EP400: variants seen among roughly 807,000 people sequenced by gnomAD.
EP400 encodes E1A-binding protein p400.
Under a neutral mutation model 354.1 loss-of-function variants are expected in EP400, and 105 were observed. The ratio of observed to expected loss-of-function variants is 0.30; its 90% CI spans 0.25 to 0.35. The LOEUF (loss-of-function observed/expected upper bound fraction) is 0.35, where lower values mean the gene tolerates loss of function less well. EP400 is among the 10% of genes least tolerant of loss of function. The probability of loss-of-function intolerance (pLI) is 1.00; values close to 1 mark genes in which losing one functional copy is unlikely to be tolerated. For synonymous variants in EP400, 1,646 were observed against 1,716.9 expected (o/e 0.96, Z 1.02); for missense variants, 3,280 against 4,121.0 (o/e 0.80, Z 5.59).
chr12:131,993,820 A>G (rs1157939650), intron 11 of EP400, among the ~76,000 whole-genome samples: 1 of 152,250 alleles, frequency 6.6e-6, no homozygotes, highest in East Asian at 1.9e-4. Context: ...ACAGTCTTAC[A>G]GGGTCCCATT....
Position 132,027,609 on chromosome 12 carries a change from T to C in EP400, c.5109+78T>C. 1 of 1,182,952 alleles carries C rather than the reference T, an allele frequency of 8.5e-7. No individual in the cohort carries two copies. Among genetic ancestry groups the C allele is most frequent in the South Asian group, 1.5e-5 (1 of 65,076 alleles). 73.3% of individuals were successfully genotyped at this position (1,182,952 alleles called of 1,614,324 possible). On this transcript the variant is annotated intron_variant, in intron 26 of 52. Coordinates refer to ENST00000389561, the MANE Select transcript of EP400 (RefSeq NM_015409.5). This position sits in a 1 kb window ranked among gnomAD's most constrained non-coding sequence, Gnocchi z 4.9. ...AGCTGCTCGTTGTGTTTGGTTGTGA[T>C]ATTTAAAGGCTCCTGTGAATTCTCA...
intron 1 of EP400, 127 bp from the exon 2 acceptor site, chr12:131,960,458 G>C: frequency 1.1e-6 from 1 of 951,726 alleles, no homozygotes; most frequent in South Asian, 1.7e-5. Flanking sequence ...TTGAATGTGA[G>C]TCAGCTCTGT....
chr12:131,967,388 T>A (rs769261490), intron 2 of EP400, among the ~76,000 whole-genome samples: 75 of 143,894 alleles, frequency 5.2e-4, no homozygotes, highest in Non-Finnish European at 7.1e-4. Context: ...CTCAAAAAAA[T>A]AAATAAATAA....
At chr12:131,967,738 AGTGCCT>A (rs575303212) in intron 2 of EP400, among the ~76,000 whole-genome samples, 21 of 152,040 alleles carry the variant, frequency 1.4e-4, no homozygotes, top group Admixed American at 1.2e-3. Flanking sequence ...ACTTTCTCAA[AGTGCCT>A]GTACCATTTT....
chr12:132,026,142 C>T (rs943932273), intron 25 of EP400, among the ~76,000 whole-genome samples: 2 of 152,164 alleles, frequency 1.3e-5, no homozygotes, highest in East Asian at 3.8e-4. Context: ...AGTGTGTGGC[C>T]GCCCACGCAG....
At chr12:132,072,555 G>T (rs1390422681) in intron 51 of EP400, among the ~76,000 whole-genome samples, 4 of 152,154 alleles carry the variant, frequency 2.6e-5, no homozygotes, top group Non-Finnish European at 5.9e-5. Flanking sequence ...TTTGAAATTT[G>T]TTGAAACTTG....
At chr12:132,001,536 T>C (rs114611293) in intron 12 of EP400, among the ~76,000 whole-genome samples, 4,113 of 152,266 alleles carry the variant, frequency 0.027, 144 homozygotes, top group South Asian at 0.094. Context: ...TAACTGTGCG[T>C]GGGCCTGACT....
At chr12:131,995,080 C>T (rs1223785854) in intron 12 of EP400, 124 bp downstream of exon 12, 1 of 879,614 alleles carries the variant, frequency 1.1e-6, no homozygotes, top group Admixed American at 2.2e-5. Context: ...AAAACAGTCC[C>T]TGTGTGCCTC....
At chr12:131,998,168 A>G (rs964185997) in intron 12 of EP400, among the ~76,000 whole-genome samples, 3 of 152,128 alleles carry the variant, frequency 2.0e-5, no homozygotes, top group Admixed American at 2.0e-4. Flanking sequence ...CTGATACCAC[A>G]CTGTCTTTCT....
At chr12:131,952,980 C>T (rs1225968486) in intron 1 of EP400, among the ~76,000 whole-genome samples, 2 of 152,172 alleles carry the variant, frequency 1.3e-5, no homozygotes, top group African/African-American at 4.8e-5. Flanking sequence ...CTCCCCACAG[C>T]TACCAAATTT....
intron 11 of EP400, among the ~76,000 whole-genome samples, chr12:131,993,838 C>T (rs928475020): frequency 1.2e-4 from 19 of 152,164 alleles, no homozygotes; most frequent in African/African-American, 3.6e-4. Context: ...ATTGCATATG[C>T]GGTCCATTGT....
rs142236839 is a variant in EP400 at position 132,031,790 on chromosome 12, T to C, written c.5755-163T>C. Among the ~76,000 whole-genome samples, 249 of 152,142 alleles carry C rather than the reference T, an allele frequency of 1.6e-3. 2 individuals carry two copies. The highest frequency in any genetic ancestry group is 2.5e-3 in the East Asian group (13 of 5,178). ...CAGGATGATCTCGATCTGCTGACCT[T>C]GTGATCCACCCACCTCGGCCTCCCA... On this transcript the variant is annotated intron_variant, in intron 29 of 52. Transcript: ENST00000389561.
intron 2 of EP400, among the ~76,000 whole-genome samples, chr12:131,978,698 A>G (rs1361799707): frequency 6.6e-6 from 1 of 151,986 alleles, no homozygotes; most frequent in Non-Finnish European, 1.5e-5. Flanking sequence ...TTTTTTGTAG[A>G]GACAGGATCT....
intron 45 of EP400, among the ~76,000 whole-genome samples, chr12:132,057,633 T>C (rs1454419818): frequency 1.3e-5 from 2 of 152,192 alleles, no homozygotes; most frequent in African/African-American, 2.4e-5. Flanking sequence ...TCTTAAGCAG[T>C]AGAATATATA....
In EP400 at chr12:131,960,630, G is replaced by A. The variant is rs1382339612; in HGVS notation, c.11G>A (p.Gly4Asp). 1.3e-6 allele frequency: 2 copies of A among 1,589,112 alleles called. No homozygotes were observed. The highest frequency in any genetic ancestry group is 1.7e-6 in the Non-Finnish European group (2 of 1,168,594). The stretch of plus-strand genomic sequence containing the variant: ...AGAAGGGAGGTGATCATGCACCATG[G>A]CACTGGCCCCCAGAACGTCCAGCAT... Reference protein sequence around the residue: MHHGTGPQNVQHQL... With the variant: MHHDTGPQNVQHQL... The change falls in exon 2 of 53, where the codon GGC becomes GAC. Residue 4 changes from glycine (G) to aspartate (D), a missense_variant. Physicochemically the swap from Gly to Asp is moderately conservative, Grantham distance 94. Coordinates refer to ENST00000389561, the MANE Select transcript of EP400 (RefSeq NM_015409.5).
Position 131,979,790 on chromosome 12 carries a change from G to A in EP400, c.1432G>A (p.Ala478Thr), listed in dbSNP as rs1485856255. 2 of 1,605,970 alleles carry A rather than the reference G, an allele frequency of 1.2e-6. No individual in the cohort carries two copies. Among genetic ancestry groups the A allele is most frequent in the African/African-American group, 2.7e-5 (2 of 74,520 alleles). Reference protein sequence around the residue: ...RQQAMPSTGMAEQSKRPRLEV... With the variant: ...RQQAMPSTGMTEQSKRPRLEV... ...GCAGGCGATGCCCTCCACAGGTATG[G>A]CAGGTACGTCGGCACGGCTAGCGTG... Residue 478 changes from alanine to threonine, a missense_variant, in exon 3 of 53, where the codon GCA becomes ACA. Physicochemically the swap from Ala to Thr is moderately conservative, Grantham distance 58. Transcript: ENST00000389561.
At position 132,067,094 on chromosome 12, in the gene EP400, G is replaced by C. The variant is rs551869938; in HGVS notation, c.8749+125G>C. ...CCCACCCACTTGAGCGTGCCATCAC[G>C]TGTTCTAGCACAAACGTGCCTTGGC... is the stretch of plus-strand genomic sequence containing the variant. On this transcript the variant is annotated intron_variant, in intron 49 of 52. Coordinates refer to ENST00000389561, the MANE Select transcript of EP400 (RefSeq NM_015409.5). This position sits in a 1 kb window ranked among gnomAD's most constrained non-coding sequence, Gnocchi z 5.3. 1.5e-6 allele frequency: 2 copies of C among 1,292,568 alleles called. No homozygotes were observed. The highest frequency in any genetic ancestry group is 6.1e-5 in the Admixed American group (2 of 33,004). 80.1% of individuals were successfully genotyped at this position (1,292,568 alleles called of 1,614,324 possible). A position where few individuals can be genotyped will look rare whatever the true frequency, so the allele number is the denominator to read the frequency against.
intron 1 of EP400, among the ~76,000 whole-genome samples, chr12:131,953,257 AAT>A (rs1377574141): frequency 1.3e-5 from 2 of 152,206 alleles, no homozygotes; most frequent in Admixed American, 6.5e-5. Flanking sequence ...GCCGTGGAAA[AAT>A]AAAGATCAAG....
At chr12:132,039,497 T>C (rs1162770634) in intron 32 of EP400, among the ~76,000 whole-genome samples, 6 of 152,060 alleles carry the variant, frequency 3.9e-5, no homozygotes, top group Non-Finnish European at 2.9e-5. Context: ...CCCCAGAGCG[T>C]TTCTATTCCT....
Sources: allele counts gnomAD v4.1 joint callset (sites outside exome capture counted in the v4.1 genomes callset), GRCh38; gene constraint gnomAD v4.1.1; non-coding constraint Gnocchi (gnomAD v3.1); transcripts MANE v1.5; gene names NCBI Gene and HGNC (gene_info 2026-07-23, HGNC 2026-07-21).